Variants in ITPR1 observed in about 807,000 individuals in gnomAD.
The protein encoded by ITPR1 is inositol 1,4,5-trisphosphate-gated calcium channel ITPR1.
ITPR1 carries 96 observed loss-of-function variants against 318.4 expected under a neutral mutation model. The ratio of observed to expected loss-of-function variants is 0.30; its 90% CI spans 0.26 to 0.36. ITPR1 has a LOEUF of 0.36. Ranked by LOEUF, ITPR1 falls within the 10% of genes least tolerant of loss-of-function variation. The probability of loss-of-function intolerance (pLI) is 1.00; values close to 1 mark genes in which losing one functional copy is unlikely to be tolerated. For missense variants in ITPR1, 2,440 were observed against 3,460.2 expected, an observed-to-expected ratio of 0.71 and a Z score of 7.40; for synonymous variants, 1,312 against 1,289.9, an observed-to-expected ratio of 1.02 and a Z score of -0.37.
Position 4,820,083 on chromosome 3 carries a change from G to T in ITPR1, c.8028+1841G>T, listed in dbSNP as rs1477821555. Among the ~76,000 whole-genome samples, 3 of 152,352 alleles carry T rather than the reference G, an allele frequency of 2.0e-5. No individual in the cohort carries two copies. In the East Asian group the frequency reaches 5.8e-4, roughly 29 times the overall value. On this transcript the variant is annotated intron_variant, in intron 60 of 61. Coordinates refer to ENST00000649015, the MANE Select transcript of ITPR1 (RefSeq NM_001378452.1). The stretch of plus-strand genomic sequence containing the variant: ...AGCTTAGGGATTCTGATGGGTGCCA[G>T]TGTGGATTTCCACAGGTGAGGTTTC...
chr3:4,517,247 T>G (rs550280377), intron 3 of ITPR1, among the ~76,000 whole-genome samples: 1 of 152,302 alleles, frequency 6.6e-6, no homozygotes, highest in South Asian at 2.1e-4. Context: ...GGTGAAATAG[T>G]CCCAAAGGCA....
intron 4 of ITPR1, among the ~76,000 whole-genome samples, chr3:4,585,955 A>C (rs2089852200): frequency 7.4e-6 from 1 of 134,710 alleles, no homozygotes; most frequent in Non-Finnish European, 1.5e-5. Context: ...GCATGTGATG[A>C]TCCCCTCCTT....
chr3:4,595,513 T>A (rs1194405871), intron 4 of ITPR1, among the ~76,000 whole-genome samples: 1 of 152,224 alleles, frequency 6.6e-6, no homozygotes, highest in Non-Finnish European at 1.5e-5. Context: ...CAATTCCACA[T>A]GAGATTTGGG....
chr3:4,751,100 T>C (rs1221972129), intron 44 of ITPR1: 3 of 152,650 alleles, frequency 2.0e-5, no homozygotes, highest in Non-Finnish European at 2.9e-5. Context: ...GGGCTGTTTG[T>C]ATTTCCATGC....
At chr3:4,499,596 G>A (rs138302199) in intron 2 of ITPR1, among the ~76,000 whole-genome samples, 1 of 152,234 alleles carries the variant, frequency 6.6e-6, no homozygotes, top group East Asian at 1.9e-4. Flanking sequence ...CATTACAAAT[G>A]GTTGATGTTC....
chr3:4,631,743 G>A (rs145735765), intron 5 of ITPR1, among the ~76,000 whole-genome samples: 1 of 152,134 alleles, frequency 6.6e-6, no homozygotes, highest in African/African-American at 2.4e-5. Flanking sequence ...TTTATTAATA[G>A]TATTAATAAA....
At chr3:4,668,234 T>TA (rs1371807185) in intron 18 of ITPR1, among the ~76,000 whole-genome samples, 81 of 149,790 alleles carry the variant, frequency 5.4e-4, no homozygotes, top group Non-Finnish European at 2.2e-4. Flanking sequence ...TTTTTTTTTT[T>TA]ACCTGTTAAC....
chr3:4,546,827 C>A lies in ITPR1; in HGVS notation c.163+25733C>A, dbSNP rs1163624390. On this transcript the variant is annotated intron_variant, in intron 4 of 61. Coordinates refer to ENST00000649015, the MANE Select transcript of ITPR1 (RefSeq NM_001378452.1). ...TGCATTCTGATGAAATCTTGACATA[C>A]CACCCTGAAGGAAGTGCTGTGTGAA... Among the ~76,000 whole-genome samples, 7 of 149,018 alleles carry A rather than the reference C, an allele frequency of 4.7e-5. No individual in the cohort carries two copies. The Admixed American group carries it at 4.7e-4, about 10-fold the overall frequency.
chr3:4,574,129 T>A (rs1239455037), intron 4 of ITPR1, among the ~76,000 whole-genome samples: 1 of 152,120 alleles, frequency 6.6e-6, no homozygotes, highest in East Asian at 1.9e-4. Flanking sequence ...AGCCAATTTC[T>A]CCAGCTAGAA....
At chr3:4,742,336 AG>A (rs1241773409) in intron 44 of ITPR1, among the ~76,000 whole-genome samples, 2 of 152,206 alleles carry the variant, frequency 1.3e-5, no homozygotes, top group Admixed American at 6.5e-5. Flanking sequence ...GAAGAACATG[AG>A]GGTAAAGTGT....
At chr3:4,835,639 G>A (rs1469039460) in intron 60 of ITPR1, among the ~76,000 whole-genome samples, 2 of 152,110 alleles carry the variant, frequency 1.3e-5, no homozygotes, top group Non-Finnish European at 2.9e-5. Flanking sequence ...AGATAAAACT[G>A]GTCCAGGTGA....
chr3:4,524,300 CGT>C (rs1491167692), intron 4 of ITPR1, among the ~76,000 whole-genome samples: 1,583 of 58,310 alleles, frequency 0.027, 34 homozygotes, highest in African/African-American at 0.074. Flanking sequence ...CATACTTTGA[CGT>C]TTTTTTTTTT....
At chr3:4,811,218 C>T (rs921928660) in intron 55 of ITPR1, 47 bp from the exon 56 acceptor site, 1 of 1,337,436 alleles carries the variant, frequency 7.5e-7, no homozygotes, top group Non-Finnish European at 1.0e-6. Flanking sequence ...TAGTGATGTA[C>T]ATCTAACATC....
At chr3:4,589,641 G>C (rs2090216059) in intron 4 of ITPR1, among the ~76,000 whole-genome samples, 1 of 152,008 alleles carries the variant, frequency 6.6e-6, no homozygotes, top group Non-Finnish European at 1.5e-5. Context: ...AGCTGGAGTG[G>C]TCCTTATAAA....
At chr3:4,569,228 CA>C (rs1488877134) in intron 4 of ITPR1, among the ~76,000 whole-genome samples, 8 of 152,146 alleles carry the variant, frequency 5.3e-5, no homozygotes, top group Non-Finnish European at 8.8e-5. Context: ...TGGAAAGTGA[CA>C]TCATTAAATT....
At chr3:4,755,404 A>ATTTTT (rs71053440) in intron 44 of ITPR1, among the ~76,000 whole-genome samples, 12 of 143,948 alleles carry the variant, frequency 8.3e-5, no homozygotes, top group African/African-American at 2.9e-4. Context: ...AATTAAAAAC[A>ATTTTT]TTTTTTTTTT....
intron 52 of ITPR1, among the ~76,000 whole-genome samples, chr3:4,792,558 A>C (rs1259767523): frequency 4.6e-5 from 7 of 152,154 alleles, no homozygotes; most frequent in Non-Finnish European, 1.5e-5. Context: ...GTGGACCTAC[A>C]GGGTCCGCTC....
At chr3:4,635,033 G>T (rs1368755705) in intron 5 of ITPR1, among the ~76,000 whole-genome samples, 4 of 152,196 alleles carry the variant, frequency 2.6e-5, no homozygotes, top group Non-Finnish European at 5.9e-5. Context: ...GTGAGCCACC[G>T]TACCTGGCCT....
intron 44 of ITPR1, among the ~76,000 whole-genome samples, chr3:4,753,381 C>A (rs1001895811): frequency 1.3e-5 from 2 of 152,138 alleles, no homozygotes; most frequent in African/African-American, 4.8e-5. Context: ...ATATACAAAG[C>A]AGCTTTACCC....
Sources: gnomAD v4.1 joint callset for allele counts (sites outside exome capture counted in the v4.1 genomes callset) on GRCh38, gnomAD v4.1.1 for gene constraint, MANE v1.5 for transcripts, NCBI Gene and HGNC (gene_info 2026-07-23, HGNC 2026-07-21) for gene names.